EYS: variants seen among roughly 807,000 people sequenced by gnomAD.
The protein encoded by EYS is protein eyes shut homolog.
Under a neutral mutation model 282.1 loss-of-function variants are expected in EYS, and 250 were observed. The observed-to-expected ratio is 0.89, with a 90% confidence interval of 0.80 to 0.98. EYS has a LOEUF of 0.98. Ranked by LOEUF, EYS falls within the 50% of genes least tolerant of loss-of-function variation. The pLI, the probability that EYS is intolerant of heterozygous loss-of-function variation, is 0.00. For synonymous variants in EYS, 1,355 were observed against 1,282.9 expected (o/e 1.06, Z -1.20); for missense variants, 4,016 against 3,709.0 (o/e 1.08, Z -2.15).
chr6:65,395,137 C>T (rs1766232039), intron 7 of EYS, among the ~76,000 whole-genome samples: 2 of 152,212 alleles, frequency 1.3e-5, no homozygotes, highest in African/African-American at 4.8e-5. Context: ...GATCTTAGCT[C>T]ACCGCAACCT....
chr6:63,803,049 A>T (rs1562033540), intron 37 of EYS, among the ~76,000 whole-genome samples: 1 of 152,158 alleles, frequency 6.6e-6, no homozygotes, highest in South Asian at 2.1e-4. Flanking sequence ...TATATTTTTT[A>T]TGTGTGTGTT....
At chr6:65,112,146 G>A (rs1308854045) in intron 12 of EYS, among the ~76,000 whole-genome samples, 1 of 151,922 alleles carries the variant, frequency 6.6e-6, no homozygotes, top group South Asian at 2.1e-4. Context: ...GTTATTCTTG[G>A]CATTTTATTA....
chr6:64,501,712 T>A (rs565511365), intron 26 of EYS, among the ~76,000 whole-genome samples: 1 of 152,274 alleles, frequency 6.6e-6, no homozygotes, highest in African/African-American at 2.4e-5. Flanking sequence ...GTATCATTAG[T>A]CACTAATGAG....
intron 2 of EYS, among the ~76,000 whole-genome samples, chr6:65,550,146 T>TCTTTC (rs1562254245): frequency 2.1e-5 from 1 of 47,856 alleles, no homozygotes. Context: ...ACTATATCTT[T>TCTTTC]TTTTTTTTTT....
At chr6:64,890,047 C>T (rs1345686195) in intron 18 of EYS, among the ~76,000 whole-genome samples, 6 of 17,664 alleles carry the variant, frequency 3.4e-4, no homozygotes, top group Non-Finnish European at 6.3e-4. Context: ...CTATAAATGC[C>T]CCCCCCCCCC....
chr6:65,167,604 A>C (rs76170692), intron 12 of EYS, among the ~76,000 whole-genome samples: 6,122 of 151,326 alleles, frequency 0.04, 211 homozygotes, highest in African/African-American at 0.095. Context: ...AGATAGAAGG[A>C]TAGGAATAAA....
intron 33 of EYS, among the ~76,000 whole-genome samples, chr6:64,060,754 ATT>A (rs1378116714): frequency 6.6e-6 from 1 of 152,134 alleles, no homozygotes; most frequent in African/African-American, 2.4e-5. Flanking sequence ...AGCAGTTTTT[ATT>A]TTGTTTTCTG....
At chr6:64,608,303 GA>G (rs377519205) in intron 24 of EYS, among the ~76,000 whole-genome samples, 11 of 152,224 alleles carry the variant, frequency 7.2e-5, no homozygotes, top group Admixed American at 3.3e-4. Context: ...ACTTATTGAA[GA>G]GGAGAAAAGC....
chr6:65,345,362 TAACTC>T (rs1292738189), intron 9 of EYS, among the ~76,000 whole-genome samples: 2 of 151,732 alleles, frequency 1.3e-5, no homozygotes, highest in South Asian at 2.1e-4. Context: ...TGAGAGTAAT[TAACTC>T]AAACAGGATT....
At chr6:65,371,574 A>T (rs868083453) in intron 8 of EYS, among the ~76,000 whole-genome samples, 64 of 151,994 alleles carry the variant, frequency 4.2e-4, no homozygotes, top group African/African-American at 1.5e-3. Context: ...GGGAACTTCC[A>T]GGATGATATC....
At chr6:64,879,612 C>A (rs991070852) in intron 19 of EYS, among the ~76,000 whole-genome samples, 1 of 151,640 alleles carries the variant, frequency 6.6e-6, no homozygotes, top group Non-Finnish European at 1.5e-5. Context: ...GAAATGAAAG[C>A]TAAATATTAA....
At chr6:65,234,253 C>G (rs1053155542) in intron 12 of EYS, among the ~76,000 whole-genome samples, 3 of 152,152 alleles carry the variant, frequency 2.0e-5, no homozygotes, top group Non-Finnish European at 4.4e-5. Flanking sequence ...TGGAGGGAAC[C>G]ATTTTTTCTC....
intron 35 of EYS, among the ~76,000 whole-genome samples, chr6:63,888,798 T>C (rs1055236546): frequency 6.6e-6 from 1 of 152,172 alleles, no homozygotes; most frequent in African/African-American, 2.4e-5. Context: ...GTTTGACGGA[T>C]TGACAGAAGT....
chr6:63,864,118 C>A, intron 36 of EYS, 68 bp downstream of exon 36: 1 of 1,337,892 alleles, frequency 7.5e-7, no homozygotes, highest in Non-Finnish European at 9.9e-7. Context: ...CTTGATTCAT[C>A]TGAGTGATTT....
chr6:64,407,845 C>T (rs150506060), intron 28 of EYS, among the ~76,000 whole-genome samples: 3 of 152,032 alleles, frequency 2.0e-5, no homozygotes, highest in Non-Finnish European at 4.4e-5. Flanking sequence ...GATTCTCCTG[C>T]CTCAGCCTCC....
At chr6:63,954,576 C>T (rs1394319885) in intron 35 of EYS, among the ~76,000 whole-genome samples, 4 of 152,208 alleles carry the variant, frequency 2.6e-5, no homozygotes, top group Non-Finnish European at 5.9e-5. Flanking sequence ...GAGTCATTCA[C>T]TGCAAGGGCC....
chr6:65,093,979 C>G (rs1561962671), intron 12 of EYS, among the ~76,000 whole-genome samples: 2 of 151,574 alleles, frequency 1.3e-5, no homozygotes. Context: ...AGCAGGTTAG[C>G]TATACTTGCA....
At chr6:63,814,888 G>T (rs961353487) in intron 36 of EYS, among the ~76,000 whole-genome samples, 2 of 152,094 alleles carry the variant, frequency 1.3e-5, no homozygotes, top group Non-Finnish European at 1.5e-5. Flanking sequence ...GTTTATACTG[G>T]ATTACATTCC....
intron 19 of EYS, among the ~76,000 whole-genome samples, chr6:64,834,276 A>G (rs1765314818): frequency 6.6e-6 from 1 of 151,902 alleles, no homozygotes; most frequent in Non-Finnish European, 1.5e-5. Flanking sequence ...AATATAAAAT[A>G]AGGCACAATA....
Sources: allele counts gnomAD v4.1 joint callset (sites outside exome capture counted in the v4.1 genomes callset), GRCh38; gene constraint gnomAD v4.1.1; transcripts MANE v1.5; gene names NCBI Gene and HGNC (gene_info 2026-07-23, HGNC 2026-07-21).